The following MTIF3 variants were observed in gnomAD, a reference collection of about 807,000 sequenced individuals.
MTIF3 encodes translation initiation factor IF-3, mitochondrial.
A neutral mutation model predicts 20.7 loss-of-function variants in MTIF3; 13 were observed. That is an observed-to-expected ratio of 0.63 (90% CI 0.41 to 1.00). The LOEUF (loss-of-function observed/expected upper bound fraction) is 1.00. Among genes scored for constraint, MTIF3 ranks in the 50% least tolerant of loss-of-function variants. MTIF3 has a pLI of 0.00. For synonymous variants in MTIF3, 114 were observed against 112.5 expected (o/e 1.01, Z -0.08); for missense variants, 295 against 324.5 (o/e 0.91, Z 0.70).
rs369524809 is a variant in MTIF3, at chr13:27,440,426, C to T, written c.23G>A (p.Arg8Lys). The T allele has an allele frequency of 1.2e-6, 2 of 1,606,832 alleles. No individual in the cohort carries two copies. The highest frequency in any genetic ancestry group is 1.7e-6 in the Non-Finnish European group (2 of 1,176,622). The change falls in exon 3 of 5, where the codon AGG becomes AAG. Residue 8 changes from arginine to lysine, a missense_variant. Physicochemically the swap from Arg to Lys is conservative, Grantham distance 26. Transcript: ENST00000381120. Reference protein sequence around the residue: MAALFLKRLTLQTVKSEN... With the variant: MAALFLKKLTLQTVKSEN... Reference sequence around the variant, plus strand: ...AGACTTTACAGTTTGTAGTGTTAACCTCTTTAGAAAAAGAGCAGCCATCCT... The same window carrying T: ...AGACTTTACAGTTTGTAGTGTTAACTTCTTTAGAAAAAGAGCAGCCATCCT...
rs764960049 is a variant in MTIF3 at position 27,435,644 on chromosome 13, T to C, written c.*31A>G. 3.1e-6 allele frequency: 5 copies of C among 1,612,334 alleles called. No individual in the cohort carries two copies. In the African/African-American group the frequency reaches 6.7e-5, roughly 22 times the overall value. ...AGGACTGCAGACCAAGGAGCGAGCTTTCTCTCAGAGCATGCTTTTCTTTAT... is the reference window on the plus strand; with the variant it reads ...AGGACTGCAGACCAAGGAGCGAGCTCTCTCTCAGAGCATGCTTTTCTTTAT... On this transcript the variant is annotated 3_prime_UTR_variant, in exon 5 of 5. Transcript: ENST00000381120.
rs139009359 is a variant in MTIF3, at chr13:27,448,890, A to T, written c.-71+1619T>A. On this transcript the variant is annotated intron_variant, in intron 1 of 4. Coordinates refer to ENST00000381120, the MANE Select transcript of MTIF3 (RefSeq NM_152912.5). ...CCCATCTCTACTAAAAATACAAAAA[A>T]ACTAGCCGGGCCTGGTGGCGTGAGC... Among the ~76,000 whole-genome samples the T allele has an allele frequency of 5.3e-5, 8 of 152,000 alleles. No individual in the cohort carries two copies. In the East Asian group the frequency reaches 1.6e-3, roughly 30 times the overall value.
At chr13:27,439,938 G>T in intron 3 of MTIF3, 51 bp downstream of exon 3, 1 of 1,510,328 alleles carries the variant, frequency 6.6e-7, no homozygotes, top group South Asian at 1.2e-5. Context: ...AATTTAAACT[G>T]CTGATTTGTA....
chr13:27,439,673 G>A (rs187440419), intron 3 of MTIF3, among the ~76,000 whole-genome samples: 91 of 152,248 alleles, frequency 6.0e-4, no homozygotes, highest in African/African-American at 2.0e-3. Context: ...AGCTTGCTGC[G>A]GCATTGGGAG....
intron 3 of MTIF3, among the ~76,000 whole-genome samples, chr13:27,438,483 G>GTTT (rs61052475): frequency 0.029 from 3,084 of 106,802 alleles, 330 homozygotes; most frequent in East Asian, 0.24. Context: ...GAGCAAGACT[G>GTTT]TTTTTTTTTT....
chr13:27,439,950 C>T (rs1220105337), intron 3 of MTIF3, 39 bp downstream of exon 3: 1 of 1,566,092 alleles, frequency 6.4e-7, no homozygotes, highest in Non-Finnish European at 8.8e-7. Context: ...TGATTTGTAG[C>T]TCTTAAAGGA....
intron 1 of MTIF3, among the ~76,000 whole-genome samples, chr13:27,449,519 C>T (rs1161669832): frequency 7.2e-5 from 11 of 152,206 alleles, no homozygotes. Context: ...TACTCTCGTC[C>T]TTGGTTTAGG....
chr13:27,442,115 G>T (rs1000208911), intron 2 of MTIF3, among the ~76,000 whole-genome samples: 1 of 152,178 alleles, frequency 6.6e-6, no homozygotes, highest in Non-Finnish European at 1.5e-5. Context: ...AGTCATTGAG[G>T]ATTAACGTGT....
At chr13:27,438,425 G>A (rs906283997) in intron 3 of MTIF3, among the ~76,000 whole-genome samples, 1 of 150,904 alleles carries the variant, frequency 6.6e-6, no homozygotes. Context: ...AGGAGATGGA[G>A]GCTGCAGTGA....
chr13:27,444,752 A>T lies in MTIF3; in HGVS notation c.-2+336T>A, dbSNP rs180800535. 2.0e-5 allele frequency among the ~76,000 whole-genome samples: 3 copies of T among 152,344 alleles called. No individual in the cohort carries two copies. In the East Asian group the frequency reaches 5.8e-4, roughly 29 times the overall value. On this transcript the variant is annotated intron_variant, in intron 2 of 4. Transcript: ENST00000381120. ...TTTCAGGAAATAGTATGTATCTCTA[A>T]GAGGTACTCCTTAATCTTTTTAGTA...
chr13:27,437,117 A>G lies in MTIF3; in HGVS notation c.617T>C (p.Met206Thr). The change falls in exon 4 of 5, where the codon ATG (methionine) becomes ACG (threonine). Residue 206 changes from methionine (M) to threonine (T), a missense_variant and splice_region_variant. Physicochemically the swap from Met to Thr is moderately conservative, Grantham distance 81 (BLOSUM62 -1). Coordinates refer to ENST00000381120, the MANE Select transcript of MTIF3 (RefSeq NM_152912.5). ...GTGGCTTGTACCTTCTTTACTTACC[A>G]TTTCATTTTCTGACACGTCTACATT... ...GKNVDVSENEMEEIFHQILQT... is the reference protein window; with the variant it reads ...GKNVDVSENETEEIFHQILQT... The G allele has an allele frequency of 6.2e-7, 1 of 1,612,998 alleles. No homozygotes were observed.
chr13:27,437,258 T>C lies in MTIF3; in HGVS notation c.476A>G (p.Lys159Arg), dbSNP rs1197201529. The change falls in exon 4 of 5, where the codon AAG (lysine) becomes AGG (arginine). Residue 159 changes from lysine (K) to arginine (R), a missense_variant. By Grantham distance (26) the Lys-to-Arg change is conservative. Coordinates refer to ENST00000381120, the MANE Select transcript of MTIF3 (RefSeq NM_152912.5). ...ANPKTGPTLR[K>R]ELILSSNIGQ... Reference sequence around the variant, plus strand: ...AATATTTGAAGACAAAATCAGTTCCTTTCTCAGGGTTGGTCCTGGTTTGAA... The same window carrying C: ...AATATTTGAAGACAAAATCAGTTCCCTTCTCAGGGTTGGTCCTGGTTTGAA... 6.2e-7 allele frequency: 1 copy of C among 1,613,590 alleles called. No individual in the cohort carries two copies. The highest frequency in any genetic ancestry group is 1.7e-5 in the Admixed American group (1 of 60,010).
chr13:27,446,516 C>T (rs17751900), intron 1 of MTIF3, among the ~76,000 whole-genome samples: 3,776 of 152,202 alleles, frequency 0.025, 80 homozygotes, highest in Admixed American at 0.064. Flanking sequence ...TATGGTTATA[C>T]GGGTGTTCAA....
At chr13:27,444,343 A>G (rs1462214997) in intron 2 of MTIF3, among the ~76,000 whole-genome samples, 3 of 152,166 alleles carry the variant, frequency 2.0e-5, no homozygotes, top group Non-Finnish European at 4.4e-5. Flanking sequence ...CTGGAAGTAT[A>G]TAACTTTTAA....
At chr13:27,449,941 A>C (rs905366497) in intron 1 of MTIF3, 2 of 152,298 alleles carry the variant, frequency 1.3e-5, no homozygotes, top group African/African-American at 4.8e-5. Context: ...TGAGAAAAAA[A>C]ATCCCAGTCA....
intron 2 of MTIF3, chr13:27,441,249 GCTTT>G (rs1219829913): frequency 2.0e-5 from 3 of 152,124 alleles, no homozygotes; most frequent in Non-Finnish European, 4.4e-5. Flanking sequence ...TCATCTTAGG[GCTTT>G]ATTTATGAGG....
chr13:27,436,745 A>ATTTT (rs66903644), intron 4 of MTIF3, among the ~76,000 whole-genome samples: 4,053 of 90,118 alleles, frequency 0.045, 162 homozygotes, highest in South Asian at 0.057. Context: ...ATTTTCTACA[A>ATTTT]TTTTTTTTTT....
intron 2 of MTIF3, among the ~76,000 whole-genome samples, chr13:27,440,803 AC>A (rs1403340895): frequency 6.6e-6 from 1 of 151,632 alleles, no homozygotes; most frequent in Non-Finnish European, 1.5e-5. Flanking sequence ...AGGGAAACAG[AC>A]CCCCTGTGCA....
intron 1 of MTIF3, chr13:27,450,179 C>T (rs1954319155): frequency 6.6e-6 from 1 of 152,292 alleles, no homozygotes; most frequent in Admixed American, 6.5e-5. Context: ...GGGCTAGAGA[C>T]GGGACGTAGC....
Sources: gnomAD v4.1 joint callset for allele counts (sites outside exome capture counted in the v4.1 genomes callset) on GRCh38, gnomAD v4.1.1 for gene constraint, MANE v1.5 for transcripts, NCBI Gene and HGNC (gene_info 2026-07-23, HGNC 2026-07-21) for gene names.